The following IRAK1BP1 variants were observed in gnomAD, a reference collection of about 807,000 sequenced individuals.
IRAK1BP1 encodes interleukin 1 receptor associated kinase 1 binding protein 1, also known as interleukin-1 receptor-associated kinase 1-binding protein 1.
Under a neutral mutation model 28.0 loss-of-function variants are expected in IRAK1BP1, and 24 were observed. The ratio of observed to expected loss-of-function variants is 0.86; its 90% CI spans 0.62 to 1.20. The LOEUF is 1.20. Among genes scored for constraint, IRAK1BP1 ranks in the 50% most tolerant of loss-of-function variants. The probability of loss-of-function intolerance (pLI) is 0.00; values close to 1 mark genes in which losing one functional copy is unlikely to be tolerated. For synonymous variants in IRAK1BP1, 131 were observed against 116.3 expected, an observed-to-expected ratio of 1.13 and a Z score of -0.81; for missense variants, 336 against 316.7, an observed-to-expected ratio of 1.06 and a Z score of -0.46.
downstream of IRAK1BP1, among the ~76,000 whole-genome samples, chr6:78,907,321 C>A (rs552677222): frequency 3.3e-5 from 5 of 152,190 alleles, no homozygotes; most frequent in East Asian, 9.6e-4. Flanking sequence ...CTAGTTATAC[C>A]TATTTTTATT....
chr6:78,947,614 ATTAT>A (rs111686694), downstream of IRAK1BP1: 6,356 of 1,309,424 alleles, frequency 4.9e-3, 233 homozygotes, highest in African/African-American at 0.081. Context: ...AAATAATGTA[ATTAT>A]ATACCCTTGA....
downstream of IRAK1BP1, among the ~76,000 whole-genome samples, chr6:78,904,482 A>G (rs1046179172): frequency 6.6e-6 from 1 of 152,218 alleles, no homozygotes; most frequent in Non-Finnish European, 1.5e-5. Context: ...GTAAACTTAC[A>G]ATTTTTAGTA....
At chr6:78,870,126 A>G (rs1770743237) in intron 1 of IRAK1BP1, among the ~76,000 whole-genome samples, 1 of 149,508 alleles carries the variant, frequency 6.7e-6, no homozygotes, top group South Asian at 2.1e-4. Flanking sequence ...AAAAAAAAAA[A>G]AAAAAAAAAA....
chr6:78,905,629 T>C (rs1772242297), downstream of IRAK1BP1, among the ~76,000 whole-genome samples: 1 of 152,192 alleles, frequency 6.6e-6, no homozygotes, highest in African/African-American at 2.4e-5. Flanking sequence ...TGAGATTGAA[T>C]CTTGCTCTGT....
At chr6:78,930,724 G>A (rs1307236597) in intron 4 of IRAK1BP1, among the ~76,000 whole-genome samples, 1 of 152,062 alleles carries the variant, frequency 6.6e-6, no homozygotes, top group East Asian at 1.9e-4. Context: ...CTGAGGTCAG[G>A]AGTTTGAGAC....
chr6:78,919,088 G>C (rs890680584), intron 4 of IRAK1BP1, among the ~76,000 whole-genome samples: 1 of 152,138 alleles, frequency 6.6e-6, no homozygotes. Flanking sequence ...TGAACAACTT[G>C]TTCTTAGACT....
chr6:78,954,121 A>T, the IRAK1BP1 span, among the ~76,000 whole-genome samples: 1 of 152,082 alleles, frequency 6.6e-6, no homozygotes, highest in African/African-American at 2.4e-5. Context: ...TGCTTTTGAG[A>T]CTCAGTCTCT....
At chr6:78,873,477 A>G (rs926691155) in intron 1 of IRAK1BP1, among the ~76,000 whole-genome samples, 18 of 151,668 alleles carry the variant, frequency 1.2e-4, no homozygotes, top group Admixed American at 1.1e-3. Flanking sequence ...GCATAAAGCT[A>G]TATAACTTTT....
the IRAK1BP1 span, among the ~76,000 whole-genome samples, chr6:78,965,466 T>G: frequency 6.6e-6 from 1 of 152,180 alleles, no homozygotes; most frequent in Non-Finnish European, 1.5e-5. Context: ...ATAAAACAAT[T>G]TCATGTTTTG....
chr6:78,949,426 G>C (rs1316183487), downstream of IRAK1BP1, among the ~76,000 whole-genome samples: 1 of 152,074 alleles, frequency 6.6e-6, no homozygotes, highest in Non-Finnish European at 1.5e-5. Context: ...CACTAAGCCA[G>C]TATTTCCCTG....
Position 78,929,948 on chromosome 6 carries a change from G to A in IRAK1BP1, c.*68-15460G>A, listed in dbSNP as rs908442359. Among the ~76,000 whole-genome samples the A allele has an allele frequency of 6.0e-4, 91 of 151,750 alleles. 1 individual carries two copies. The highest frequency in any genetic ancestry group is 7.4e-5 in the Non-Finnish European group (5 of 67,908). On this transcript the variant is annotated intron_variant and NMD_transcript_variant, in intron 4 of 4. Coordinates refer to the IRAK1BP1 transcript ENST00000606868. ...TCTGACACAGTTTTTTTTTGTTTTCGTTTTTTGAGACAGGCTCTCCCTCTG... is the reference window on the plus strand; with the variant it reads ...TCTGACACAGTTTTTTTTTGTTTTCATTTTTTGAGACAGGCTCTCCCTCTG...
chr6:78,949,714 G>A (rs571548602), downstream of IRAK1BP1, among the ~76,000 whole-genome samples: 1 of 151,850 alleles, frequency 6.6e-6, no homozygotes, highest in African/African-American at 2.4e-5. Context: ...TAATGAGATA[G>A]GGTCTCACTC....
intron 4 of IRAK1BP1, among the ~76,000 whole-genome samples, chr6:78,919,798 A>G (rs1772669266): frequency 6.6e-6 from 1 of 152,152 alleles, no homozygotes; most frequent in Non-Finnish European, 1.5e-5. Context: ...TTCCAAAAAA[A>G]TCAAGGAGGA....
At chr6:78,886,125 A>G (rs1267850655) in intron 2 of IRAK1BP1, among the ~76,000 whole-genome samples, 2 of 152,168 alleles carry the variant, frequency 1.3e-5, no homozygotes, top group Non-Finnish European at 1.5e-5. Flanking sequence ...AATCTTGTAT[A>G]TCAAATGAGA....
chr6:78,938,798 CAGG>C (rs1322349414), intron 4 of IRAK1BP1: 6 of 151,630 alleles, frequency 4.0e-5, no homozygotes, highest in African/African-American at 1.4e-4. Context: ...CTTAATTTCA[CAGG>C]AGAATTTCTG....
At chr6:78,888,458 C>G (rs1248496862) in intron 2 of IRAK1BP1, among the ~76,000 whole-genome samples, 4 of 151,742 alleles carry the variant, frequency 2.6e-5, no homozygotes, top group African/African-American at 7.3e-5. Flanking sequence ...CCAAACTCAT[C>G]AAATTGTATA....
intron 2 of IRAK1BP1, among the ~76,000 whole-genome samples, chr6:78,895,584 G>A (rs917611649): frequency 2.6e-5 from 4 of 152,056 alleles, no homozygotes; most frequent in Non-Finnish European, 5.9e-5. Context: ...TCCCAGGTTG[G>A]TTAACATTCA....
At chr6:78,952,441 GA>G in the IRAK1BP1 span, among the ~76,000 whole-genome samples, 813 of 120,884 alleles carry the variant, frequency 6.7e-3, 7 homozygotes, top group African/African-American at 0.022. Context: ...AAAAAAAAAA[GA>G]AAAAAAAAAA....
intron 4 of IRAK1BP1, among the ~76,000 whole-genome samples, chr6:78,932,543 T>A (rs1773086471): frequency 6.7e-6 from 1 of 149,408 alleles, no homozygotes; most frequent in Non-Finnish European, 1.5e-5. Context: ...TGCCTCAGCC[T>A]CCTGAGTAGC....
Sources: gnomAD v4.1 joint callset for allele counts (sites outside exome capture counted in the v4.1 genomes callset) on GRCh38, gnomAD v4.1.1 for gene constraint, MANE v1.5 for transcripts, NCBI Gene and HGNC (gene_info 2026-07-23, HGNC 2026-07-21) for gene names.